The following CSMD1 variants were observed in gnomAD, a reference collection of about 807,000 sequenced individuals.
The protein encoded by CSMD1 is CUB and Sushi multiple domains 1, also known as CUB and sushi domain-containing protein 1.
Under a neutral mutation model 417.5 loss-of-function variants are expected in CSMD1, and 213 were observed. That is an observed-to-expected ratio of 0.51 (90% CI 0.46 to 0.57). The LOEUF is 0.57. CSMD1 is among the 20% of genes least tolerant of loss of function. The pLI, the probability that CSMD1 is intolerant of heterozygous loss-of-function variation, is 0.00. For missense variants in CSMD1, 6,923 were observed against 4,529.7 expected, an observed-to-expected ratio of 1.53 and a Z score of -15.17; for synonymous variants, 2,862 against 1,736.8, an observed-to-expected ratio of 1.65 and a Z score of -16.11.
intron 5 of CSMD1, among the ~76,000 whole-genome samples, chr8:3,757,252 G>A (rs940010999): frequency 1.3e-5 from 2 of 152,096 alleles, no homozygotes; most frequent in Admixed American, 6.5e-5. Context: ...CAGTCAACAG[G>A]ATATTTCTGT....
intron 1 of CSMD1, among the ~76,000 whole-genome samples, chr8:4,765,254 C>T (rs902119744): frequency 6.6e-6 from 1 of 152,150 alleles, no homozygotes; most frequent in African/African-American, 2.4e-5. Context: ...TAATGACTTT[C>T]CATATGTGCC....
chr8:4,306,316 G>A (rs1017446953), intron 3 of CSMD1, among the ~76,000 whole-genome samples: 4 of 152,132 alleles, frequency 2.6e-5, no homozygotes, highest in Admixed American at 2.0e-4. Flanking sequence ...AGCCCAGCTC[G>A]ATCCTTCCAT....
At chr8:4,994,200 T>C in intron 1 of CSMD1, 132 bp downstream of exon 1, 1 of 747,976 alleles carries the variant, frequency 1.3e-6, no homozygotes, top group Non-Finnish European at 2.2e-6. Context: ...TTCCCCGAGC[T>C]TCGGCGATGG....
At chr8:4,176,635 A>T (rs1484758388) in intron 3 of CSMD1, among the ~76,000 whole-genome samples, 1 of 151,848 alleles carries the variant, frequency 6.6e-6, no homozygotes, top group Non-Finnish European at 1.5e-5. Flanking sequence ...ACAGACTGGC[A>T]AATTGGATAA....
intron 12 of CSMD1, among the ~76,000 whole-genome samples, chr8:3,430,650 T>C (rs1482484654): frequency 2.0e-5 from 3 of 151,990 alleles, no homozygotes; most frequent in Non-Finnish European, 4.4e-5. Flanking sequence ...CCACTAAAAA[T>C]ACAAAAAGTA....
At chr8:3,479,269 C>G (rs1817600808) in intron 11 of CSMD1, among the ~76,000 whole-genome samples, 1 of 151,988 alleles carries the variant, frequency 6.6e-6, no homozygotes, top group South Asian at 2.1e-4. Context: ...GCAGTTTTTG[C>G]CATTATTTTT....
chr8:3,989,398 G>C (rs1814579151), intron 5 of CSMD1, among the ~76,000 whole-genome samples: 1 of 152,136 alleles, frequency 6.6e-6, no homozygotes, highest in Non-Finnish European at 1.5e-5. Context: ...AAACGACAGA[G>C]GACATTGCCC....
At chr8:4,871,430 G>C (rs147914759) in intron 1 of CSMD1, among the ~76,000 whole-genome samples, 1 of 152,050 alleles carries the variant, frequency 6.6e-6, no homozygotes, top group African/African-American at 2.4e-5. Flanking sequence ...TTCCAGTACA[G>C]TGGCAATTCC....
intron 10 of CSMD1, among the ~76,000 whole-genome samples, chr8:3,512,587 CTTTAA>C (rs1449177885): frequency 6.8e-6 from 1 of 146,920 alleles, no homozygotes; most frequent in Non-Finnish European, 1.5e-5. Context: ...CAGGAGCTTA[CTTTAA>C]TTTTTTTCTT....
intron 16 of CSMD1, 50 bp from the exon 17 acceptor site, chr8:3,396,431 A>G: frequency 2.3e-6 from 3 of 1,331,106 alleles, no homozygotes; most frequent in Non-Finnish European, 3.1e-6. Flanking sequence ...CTGCCAGCTT[A>G]CAGACGTGCT....
intron 1 of CSMD1, among the ~76,000 whole-genome samples, chr8:4,761,067 G>T (rs1007427988): frequency 5.3e-5 from 8 of 152,080 alleles, no homozygotes; most frequent in Non-Finnish European, 2.9e-5. Context: ...GTGATTATTA[G>T]CAGAAGTATG....
At chr8:3,247,574 G>A (rs1413189420) in intron 26 of CSMD1, among the ~76,000 whole-genome samples, 3 of 152,196 alleles carry the variant, frequency 2.0e-5, no homozygotes, top group African/African-American at 4.8e-5. Flanking sequence ...CGCAGAGGAT[G>A]GCCCAGGACA....
intron 3 of CSMD1, among the ~76,000 whole-genome samples, chr8:4,157,749 C>G (rs1796914467): frequency 6.6e-6 from 1 of 152,200 alleles, no homozygotes. Context: ...GGAGTCAGGG[C>G]CAGGGCTGAC....
At chr8:3,126,927 C>T (rs1817542157) in intron 41 of CSMD1, among the ~76,000 whole-genome samples, 1 of 152,112 alleles carries the variant, frequency 6.6e-6, no homozygotes, top group Non-Finnish European at 1.5e-5. Flanking sequence ...GGTGCCTTCA[C>T]CTAGGAGACG....
At chr8:3,288,733 A>G (rs1420786129) in intron 25 of CSMD1, among the ~76,000 whole-genome samples, 2 of 146,000 alleles carry the variant, frequency 1.4e-5, no homozygotes, top group Non-Finnish European at 2.9e-5. Flanking sequence ...AATTTTGTTG[A>G]TCTTTTCAAA....
chr8:3,676,706 T>C (rs1033629791), intron 7 of CSMD1, among the ~76,000 whole-genome samples: 2 of 152,094 alleles, frequency 1.3e-5, no homozygotes, highest in African/African-American at 4.8e-5. Flanking sequence ...TCCATTTCTA[T>C]CAAACTCAGT....
At chr8:3,631,255 C>T (rs1045096260) in intron 7 of CSMD1, among the ~76,000 whole-genome samples, 1 of 152,246 alleles carries the variant, frequency 6.6e-6, no homozygotes, top group African/African-American at 2.4e-5. Context: ...TATCCTTCGT[C>T]GACTCAGCAC....
intron 3 of CSMD1, among the ~76,000 whole-genome samples, chr8:4,091,725 G>A (rs1800731377): frequency 6.6e-6 from 1 of 152,190 alleles, no homozygotes; most frequent in Admixed American, 6.5e-5. Context: ...AGCCTCGCTT[G>A]GTGTGCTGGT....
At chr8:3,609,488 T>C (rs1801783396) in intron 8 of CSMD1, among the ~76,000 whole-genome samples, 1 of 152,202 alleles carries the variant, frequency 6.6e-6, no homozygotes, top group Non-Finnish European at 1.5e-5. Flanking sequence ...GGGTATTTTA[T>C]ACATAATGAT....
Sources: allele counts gnomAD v4.1 joint callset (sites outside exome capture counted in the v4.1 genomes callset), GRCh38; gene constraint gnomAD v4.1.1; transcripts MANE v1.5; gene names NCBI Gene and HGNC (gene_info 2026-07-23, HGNC 2026-07-21).